Variants in NFIB observed in about 807,000 individuals in gnomAD.
NFIB encodes the protein nuclear factor 1 B-type.
In NFIB, 11 loss-of-function variants were observed where a neutral mutation model predicts 61.5. That is an observed-to-expected ratio of 0.18 (90% confidence interval 0.11 to 0.30). The LOEUF is 0.30. Among genes scored for constraint, NFIB ranks in the 10% least tolerant of loss-of-function variants. The pLI is 1.00. For synonymous variants in NFIB, 260 were observed against 216.5 expected, an observed-to-expected ratio of 1.20 and a Z score of -1.76; for missense variants, 471 against 608.9, an observed-to-expected ratio of 0.77 and a Z score of 2.38.
At chr9:14,458,894 C>A in the NFIB span, among the ~76,000 whole-genome samples, 1 of 151,802 alleles carries the variant, frequency 6.6e-6, no homozygotes, top group East Asian at 1.9e-4. Context: ...AAGAATATTC[C>A]ATGCTCATGG....
chr9:14,355,298 C>A (rs912249630), intron 1 of NFIB, among the ~76,000 whole-genome samples: 4 of 152,106 alleles, frequency 2.6e-5, no homozygotes, highest in Admixed American at 2.6e-4. Flanking sequence ...AGAGGGAAGA[C>A]CATATGAAGA....
At chr9:14,513,279 T>A in the NFIB span, among the ~76,000 whole-genome samples, 1 of 152,206 alleles carries the variant, frequency 6.6e-6, no homozygotes, top group Non-Finnish European at 1.5e-5. Context: ...TCTCCTAGAT[T>A]TGTTTTCCCC....
chr9:14,322,170 G>A (rs2060677131), intron 1 of NFIB: 1 of 1,188,008 alleles, frequency 8.4e-7, no homozygotes, highest in African/African-American at 1.6e-5. Flanking sequence ...CTTGGCCCGA[G>A]AAGAAAAGGC....
chr9:14,175,357 G>A (rs1291928716), intron 3 of NFIB, among the ~76,000 whole-genome samples: 2 of 151,542 alleles, frequency 1.3e-5, no homozygotes, highest in Non-Finnish European at 2.9e-5. Flanking sequence ...TGTATTTTTA[G>A]TAGAGACGGG....
intron 6 of NFIB, among the ~76,000 whole-genome samples, chr9:14,127,401 G>A (rs1049299886): frequency 3.3e-5 from 5 of 152,044 alleles, no homozygotes; most frequent in African/African-American, 1.2e-4. Context: ...GAATCCTCAC[G>A]TACCGATAAC....
At chr9:14,097,913 A>C (rs1296480140) in intron 10 of NFIB, among the ~76,000 whole-genome samples, 1 of 134,618 alleles carries the variant, frequency 7.4e-6, no homozygotes, top group African/African-American at 2.8e-5. Flanking sequence ...CTCCTGACCA[A>C]CCAGATCCAA....
At chr9:14,286,057 T>A (rs1481145434) in intron 2 of NFIB, among the ~76,000 whole-genome samples, 1 of 152,176 alleles carries the variant, frequency 6.6e-6, no homozygotes, top group Non-Finnish European at 1.5e-5. Flanking sequence ...CACCGCCCCT[T>A]GATGATGGGA....
At chr9:14,518,471 C>T in the NFIB span, among the ~76,000 whole-genome samples, 2 of 151,682 alleles carry the variant, frequency 1.3e-5, no homozygotes, top group African/African-American at 2.4e-5. Context: ...AGCCCAGGAT[C>T]CCCAGCTGTC....
chr9:14,402,740 A>G (rs2061755017), upstream of NFIB, among the ~76,000 whole-genome samples: 1 of 152,232 alleles, frequency 6.6e-6, no homozygotes, highest in African/African-American at 2.4e-5. Flanking sequence ...TGCTTTTTAT[A>G]TACCATGGTA....
At chr9:14,133,929 A>G (rs1227160806) in intron 6 of NFIB, among the ~76,000 whole-genome samples, 1 of 127,210 alleles carries the variant, frequency 7.9e-6, no homozygotes, top group African/African-American at 4.1e-5. Context: ...GGAGGAAGAA[A>G]GGAGAGAGAG....
the NFIB span, among the ~76,000 whole-genome samples, chr9:14,429,496 G>T: frequency 1.3e-5 from 2 of 152,152 alleles, no homozygotes; most frequent in African/African-American, 4.8e-5. Context: ...AGCTTTTAAG[G>T]GTGATGTTAC....
chr9:14,427,183 G>T, the NFIB span, among the ~76,000 whole-genome samples: 1 of 152,120 alleles, frequency 6.6e-6, no homozygotes, highest in Non-Finnish European at 1.5e-5. Context: ...CCATTAGCCT[G>T]ACAGCTCTAT....
chr9:14,434,874 G>GA, the NFIB span, among the ~76,000 whole-genome samples: 1 of 152,184 alleles, frequency 6.6e-6, no homozygotes, highest in African/African-American at 2.4e-5. Flanking sequence ...CCTCTATACA[G>GA]AGAGGACCTG....
chr9:14,278,160 A>C (rs1292371593), intron 2 of NFIB, among the ~76,000 whole-genome samples: 1 of 152,206 alleles, frequency 6.6e-6, no homozygotes, highest in Non-Finnish European at 1.5e-5. Flanking sequence ...TGCAGTAATC[A>C]TTATAATTGG....
chr9:14,457,703 G>A, the NFIB span, among the ~76,000 whole-genome samples: 3 of 151,998 alleles, frequency 2.0e-5, no homozygotes, highest in African/African-American at 7.2e-5. Context: ...CGATCCCACA[G>A]AAATACAAAC....
At chr9:14,293,688 G>A (rs1483852675) in intron 2 of NFIB, among the ~76,000 whole-genome samples, 1 of 152,148 alleles carries the variant, frequency 6.6e-6, no homozygotes, top group African/African-American at 2.4e-5. Flanking sequence ...CTTTCTCTAG[G>A]ATTAGTAGAC....
At chr9:14,415,757 C>T in the NFIB span, among the ~76,000 whole-genome samples, 2 of 152,302 alleles carry the variant, frequency 1.3e-5, no homozygotes, top group South Asian at 4.1e-4. Flanking sequence ...CGGTGTCCAA[C>T]AATAGCTCCT....
At chr9:14,107,283 T>G (rs2036696300) in intron 10 of NFIB, among the ~76,000 whole-genome samples, 1 of 151,756 alleles carries the variant, frequency 6.6e-6, no homozygotes, top group Admixed American at 6.6e-5. Flanking sequence ...CAGAATAAAA[T>G]TGTGTTGTAT....
At chr9:14,125,877 G>C (rs1586862109) in intron 6 of NFIB, 111 bp from the exon 7 acceptor site, 1 of 1,408,692 alleles carries the variant, frequency 7.1e-7, no homozygotes, top group Non-Finnish European at 9.5e-7. Flanking sequence ...TTATACTTTG[G>C]CTCTTTTACA....
Sources: gnomAD v4.1 joint callset for allele counts (sites outside exome capture counted in the v4.1 genomes callset) on GRCh38, gnomAD v4.1.1 for gene constraint, MANE v1.5 for transcripts, NCBI Gene and HGNC (gene_info 2026-07-23, HGNC 2026-07-21) for gene names.